GDA: variants seen among roughly 807,000 people sequenced by gnomAD.
The protein encoded by GDA is cytoplasmic PSD-95 interactor.
A neutral mutation model predicts 59.6 loss-of-function variants in GDA; 18 were observed. The ratio of observed to expected loss-of-function variants is 0.30; its 90% CI spans 0.21 to 0.45. The LOEUF (loss-of-function observed/expected upper bound fraction) is 0.45. GDA is among the 20% of genes least tolerant of loss of function. The probability of loss-of-function intolerance (pLI) is 1.00; values close to 1 mark genes in which losing one functional copy is unlikely to be tolerated. For synonymous variants in GDA, 201 were observed against 201.1 expected (o/e 1.00, Z 0.00); for missense variants, 427 against 552.3 (o/e 0.77, Z 2.27).
At chr9:72,188,256 G>C (rs1173889550) in intron 1 of GDA, among the ~76,000 whole-genome samples, 1 of 152,204 alleles carries the variant, frequency 6.6e-6, no homozygotes, top group South Asian at 2.1e-4. Flanking sequence ...GACCCTGAAA[G>C]CATTTCAGAG....
rs561973964 is a variant in GDA at position 72,170,962 on chromosome 9, G to A, written c.123+21280G>A. ...CTCCCAAGTACCTGGGACTACAGGC[G>A]TGCACCACCATGCCTAGCTAATTTT... On this transcript the variant is annotated intron_variant, in intron 1 of 13. Coordinates refer to ENST00000358399, the MANE Select transcript of GDA (RefSeq NM_004293.5). Among the ~76,000 whole-genome samples, 25 of 152,164 alleles carry A rather than the reference G, an allele frequency of 1.6e-4. 1 individual carries two copies. The South Asian group carries it at 1.9e-3, about 11-fold the overall frequency.
chr9:72,247,439 T>C lies in GDA; in HGVS notation c.1294+6T>C, dbSNP rs769749479. The C allele has an allele frequency of 1.4e-6, 2 of 1,413,032 alleles. No individual in the cohort carries two copies. The highest frequency in any genetic ancestry group is 2.0e-6 in the Non-Finnish European group (2 of 997,000). The allele number at this position is 1,413,032 out of a possible 1,614,324, so 87.5% of individuals were successfully genotyped here. A position where few individuals can be genotyped will look rare whatever the true frequency, so the allele number is the denominator to read the frequency against. ...CCAGAAGTTCCTCTATCTAGGTAGG[T>C]AGATGCATGTCTCTATGCTAAATAT... On this transcript the variant is annotated splice_donor_region_variant and intron_variant, in intron 13 of 13. Coordinates refer to ENST00000358399, the MANE Select transcript of GDA (RefSeq NM_004293.5).
intron 1 of GDA, among the ~76,000 whole-genome samples, chr9:72,126,863 G>A (rs900070782): frequency 3.3e-5 from 5 of 151,770 alleles, no homozygotes; most frequent in Admixed American, 2.0e-4. Flanking sequence ...CACCACACCC[G>A]GCAGAACCTG....
Position 72,250,976 on chromosome 9 carries a change from G to A in GDA, c.*2634G>A. The A allele has an allele frequency of 2.9e-6, 2 of 683,456 alleles. No individual in the cohort carries two copies. Among genetic ancestry groups the A allele is most frequent in the East Asian group, 5.5e-5 (2 of 36,364 alleles). The allele number at this position is 683,456 out of a possible 1,614,324, so 42.3% of individuals were successfully genotyped here. ...GGAAACATGGGAAGTAAAAGATTAG[G>A]ATGTGAAAGGTTGTCCTAAACAGAC... On this transcript the variant is annotated 3_prime_UTR_variant, in exon 14 of 14. Transcript: ENST00000358399.
intron 3 of GDA, among the ~76,000 whole-genome samples, chr9:72,206,571 A>C (rs1008544428): frequency 4.6e-5 from 7 of 152,044 alleles, no homozygotes; most frequent in African/African-American, 1.7e-4. Flanking sequence ...TCAGGAGTTC[A>C]AGACCAGCCT....
chr9:72,216,102 CCA>C (rs1158474395), intron 5 of GDA, among the ~76,000 whole-genome samples: 2 of 152,204 alleles, frequency 1.3e-5, no homozygotes, highest in African/African-American at 4.8e-5. Context: ...AACTGATCCT[CCA>C]CGGCTCAGGA....
At position 72,250,426 on chromosome 9, in the gene GDA, C is replaced by A; in HGVS notation, c.*2084C>A. ...GGCCGTATACAACCATCCTGTTAAA[C>A]ATTTAAATTTAGCTCTGATAGTGTG... On this transcript the variant is annotated 3_prime_UTR_variant, in exon 14 of 14. Transcript: ENST00000358399. The A allele has an allele frequency of 8.3e-7, 1 of 1,207,082 alleles. No individual in the cohort carries two copies. Among genetic ancestry groups the A allele is most frequent in the African/African-American group, 1.6e-5 (1 of 63,486 alleles). 74.8% of individuals were successfully genotyped at this position (1,207,082 alleles called of 1,614,324 possible). A position where few individuals can be genotyped will look rare whatever the true frequency, so the allele number is the denominator to read the frequency against.
downstream of GDA, among the ~76,000 whole-genome samples, chr9:72,256,727 G>A (rs1840890714): frequency 6.6e-6 from 1 of 152,164 alleles, no homozygotes; most frequent in South Asian, 2.1e-4. Context: ...TCAAAATGAA[G>A]GTTTCCAGGC....
chr9:72,135,461 A>G (rs923449844), intron 1 of GDA, among the ~76,000 whole-genome samples: 1 of 152,184 alleles, frequency 6.6e-6, no homozygotes, highest in Non-Finnish European at 1.5e-5. Flanking sequence ...CATAGTCATA[A>G]GTAGCAGATC....
chr9:72,137,625 T>C (rs1826286819), intron 1 of GDA, among the ~76,000 whole-genome samples: 1 of 152,062 alleles, frequency 6.6e-6, no homozygotes. Context: ...ACATTTAAGA[T>C]CCTATAACTG....
At chr9:72,136,906 C>T (rs1472938447) in intron 1 of GDA, among the ~76,000 whole-genome samples, 6 of 152,026 alleles carry the variant, frequency 3.9e-5, no homozygotes, top group African/African-American at 1.2e-4. Context: ...ACCCAGGAGG[C>T]GGAACTTGCA....
At chr9:72,256,829 G>A (rs1010857549), downstream of GDA, among the ~76,000 whole-genome samples, 1 of 152,190 alleles carries the variant, frequency 6.6e-6, no homozygotes, top group Non-Finnish European at 1.5e-5. Flanking sequence ...CAGGCAGTGG[G>A]TGTAGTGAGG....
intron 2 of GDA, among the ~76,000 whole-genome samples, chr9:72,199,939 T>C (rs1395449368): frequency 6.6e-6 from 1 of 152,026 alleles, no homozygotes; most frequent in African/African-American, 2.4e-5. Context: ...CAGAGAACTC[T>C]GGCATCGCCA....
At chr9:72,189,856 A>C (rs374247745) in intron 1 of GDA, among the ~76,000 whole-genome samples, 1 of 152,172 alleles carries the variant, frequency 6.6e-6, no homozygotes, top group East Asian at 1.9e-4. Flanking sequence ...CAAAACAAAA[A>C]AAAGAAATGA....
chr9:72,184,657 G>A (rs1440242021), intron 1 of GDA, among the ~76,000 whole-genome samples: 3 of 152,170 alleles, frequency 2.0e-5, no homozygotes, highest in Non-Finnish European at 2.9e-5. Flanking sequence ...CTATCAAGGA[G>A]TGTTTGTTTT....
intron 4 of GDA, among the ~76,000 whole-genome samples, chr9:72,213,320 G>A (rs1260188565): frequency 6.6e-6 from 1 of 152,196 alleles, no homozygotes; most frequent in East Asian, 1.9e-4. Flanking sequence ...CTGACAGCCT[G>A]AGAATGGGGA....
chr9:72,231,148 C>G lies in GDA; in HGVS notation c.955C>G (p.Leu319Val), dbSNP rs920812685. 2 of 1,597,590 alleles carry G rather than the reference C, an allele frequency of 1.3e-6. No individual in the cohort carries two copies. The highest frequency in any genetic ancestry group is 1.7e-5 in the Admixed American group (1 of 59,974). The part of the protein sequence containing the change: ...SSGFLNVLEV[L>V]KHEVKIGLGT... ...TGGATTTCTAAATGTGCTAGAAGTC[C>G]TGAAACATGAAGTCAAGATAGGGCT... Residue 319 changes from leucine (L) to valine (V), a missense_variant, in exon 10 of 14, where the codon CTG (leucine) becomes GTG (valine). Coordinates refer to ENST00000358399, the MANE Select transcript of GDA (RefSeq NM_004293.5).
intron 1 of GDA, among the ~76,000 whole-genome samples, chr9:72,153,274 G>A (rs909892140): frequency 6.6e-6 from 1 of 151,986 alleles, no homozygotes; most frequent in Non-Finnish European, 1.5e-5. Context: ...GGTGATGCGG[G>A]CTCTTTTTTG....
At chr9:72,209,573 G>A (rs1835116142) in intron 3 of GDA, among the ~76,000 whole-genome samples, 1 of 151,882 alleles carries the variant, frequency 6.6e-6, no homozygotes, top group African/African-American at 2.4e-5. Context: ...TATAGATTAT[G>A]TTTCCTCTAA....
Sources: allele counts gnomAD v4.1 joint callset (sites outside exome capture counted in the v4.1 genomes callset), GRCh38; gene constraint gnomAD v4.1.1; transcripts MANE v1.5; gene names NCBI Gene and HGNC (gene_info 2026-07-23, HGNC 2026-07-21).